KBTBD2: variants seen among roughly 807,000 people sequenced by gnomAD.
KBTBD2 encodes the protein kelch repeat and BTB domain-containing protein 2.
KBTBD2 carries 17 observed loss-of-function variants against 57.1 expected under a neutral mutation model. That is an observed-to-expected ratio of 0.30 (90% CI 0.20 to 0.45). The LOEUF (loss-of-function observed/expected upper bound fraction) is 0.45, where lower values mean the gene tolerates loss of function less well. Among genes scored for constraint, KBTBD2 ranks in the 20% least tolerant of loss-of-function variants. The probability of loss-of-function intolerance (pLI) is 1.00; values close to 1 mark genes in which losing one functional copy is unlikely to be tolerated. For missense variants in KBTBD2, 515 were observed against 750.6 expected (o/e 0.69, Z 3.67); for synonymous variants, 267 against 262.7 (o/e 1.02, Z -0.16).
rs1201012564 is a variant in KBTBD2 at position 32,891,646 on chromosome 7, T to C, written c.-449A>G. The C allele has an allele frequency of 6.8e-6, 1 of 148,090 alleles. No homozygotes were observed. The highest frequency in any genetic ancestry group is 6.7e-5 in the Admixed American group (1 of 14,974). 9.2% of individuals were successfully genotyped at this position (148,090 alleles called of 1,614,324 possible). On this transcript the variant is annotated 5_prime_UTR_variant, in exon 1 of 4. Coordinates refer to ENST00000304056, the MANE Select transcript of KBTBD2 (RefSeq NM_015483.3). ...GTGGCCCTCCCGCCGCGGCCTCGCC[T>C]GGGGTCTCGCCTCCGCCTCCGGCCG...
In KBTBD2 at chr7:32,880,512, T is replaced by C. The variant is rs907013561; in HGVS notation, c.-338-570A>G. On this transcript the variant is annotated intron_variant, in intron 1 of 3. Coordinates refer to ENST00000304056, the MANE Select transcript of KBTBD2 (RefSeq NM_015483.3). ...AATTTGTTTCTTTGTGGAGTGGTTCTTTCCTAGGAATCTTTACAAATAAAA... is the reference window on the plus strand; with the variant it reads ...AATTTGTTTCTTTGTGGAGTGGTTCCTTCCTAGGAATCTTTACAAATAAAA... Among the ~76,000 whole-genome samples the C allele has an allele frequency of 2.0e-5, 3 of 151,646 alleles. No individual in the cohort carries two copies. In the South Asian group the frequency reaches 6.2e-4, roughly 31 times the overall value.
At position 32,869,594 on chromosome 7, in the gene KBTBD2, G is replaced by A. The variant is rs1341957175; in HGVS notation, c.1623C>T (p.Thr541=). 1.2e-6 allele frequency: 2 copies of A among 1,614,064 alleles called. No homozygotes were observed. Among genetic ancestry groups the A allele is most frequent in the Admixed American group, 3.3e-5 (2 of 60,018 alleles). Residue 541 remains threonine (T), a synonymous_variant, in exon 4 of 4, where the codon ACC becomes ACT. Coordinates refer to ENST00000304056, the MANE Select transcript of KBTBD2 (RefSeq NM_015483.3). Reference sequence around the variant, plus strand: ...CGTATTTAGCTCGCTCATTTAAGTGGGTTTCTCGCATAAACACACATAGAG... The same window carrying A: ...CGTATTTAGCTCGCTCATTTAAGTGAGTTTCTCGCATAAACACACATAGAG... ...SNSLCVFMRE[T]HLNERAKYVT... is the part of the protein sequence containing the mutation.
intron 3 of KBTBD2, among the ~76,000 whole-genome samples, chr7:32,872,456 G>A (rs1454454276): frequency 6.6e-6 from 1 of 152,062 alleles, no homozygotes; most frequent in Middle Eastern, 3.2e-3. Flanking sequence ...TAGGTGAGAG[G>A]AGTGCCTGAG....
In KBTBD2 at chr7:32,884,728, T is replaced by G. The variant is rs546908979; in HGVS notation, c.-338-4786A>C. On this transcript the variant is annotated intron_variant, in intron 1 of 3. Transcript: ENST00000304056. ...ATAAAAATAGTAATAATAATAAAAC[T>G]TCAAAAGGTACACTATTCTCTCTTC... Among the ~76,000 whole-genome samples the G allele has an allele frequency of 3.5e-4, 53 of 151,470 alleles. No individual in the cohort carries two copies. In the South Asian group the frequency reaches 0.011, roughly 32 times the overall value.
Position 32,870,591 on chromosome 7 carries a change from C to A in KBTBD2, c.626G>T (p.Arg209Leu). 1 of 1,614,070 alleles carries A rather than the reference C, an allele frequency of 6.2e-7. No individual in the cohort carries two copies. ...MLWLEYNTES[R>L]SQYLSSVLSQ... ...AAGAACAGAAGACAAATACTGGGAT[C>A]GTGATTCTGTGTTATACTCTAGCCA... The change falls in exon 4 of 4, where the codon CGA becomes CTA. Residue 209 changes from arginine to leucine, a missense_variant. Physicochemically the swap from Arg to Leu is moderately radical, Grantham distance 102. Coordinates refer to ENST00000304056, the MANE Select transcript of KBTBD2 (RefSeq NM_015483.3).
In KBTBD2 at chr7:32,869,141, C is replaced by CTA; in HGVS notation, c.*202_*203dup. The CTA allele has an allele frequency of 1.6e-5, 8 of 491,114 alleles. No individual in the cohort carries two copies. Among genetic ancestry groups the CTA allele is most frequent in the Non-Finnish European group, 1.1e-5 (3 of 280,104 alleles). 30.4% of individuals were successfully genotyped at this position (491,114 alleles called of 1,614,324 possible). ...TAAAGTTTCTCAATTATTGAATAAT[C>CTA]TATTTCATATTATGGAAGCATATCT... On this transcript the variant is annotated 3_prime_UTR_variant, in exon 4 of 4. Coordinates refer to ENST00000304056, the MANE Select transcript of KBTBD2 (RefSeq NM_015483.3).
rs535712794 is a variant in KBTBD2 at position 32,885,057 on chromosome 7, T to A, written c.-338-5115A>T. Among the ~76,000 whole-genome samples, 5 of 148,824 alleles carry A rather than the reference T, an allele frequency of 3.4e-5. No homozygotes were observed. The South Asian group carries it at 1.1e-3, about 32-fold the overall frequency. ...ACACACAAATTTTAATTTTTTTTTT[T>A]AAGAGACAGGATTGTACTATGTTGC... On this transcript the variant is annotated intron_variant, in intron 1 of 3. Transcript: ENST00000304056.
intron 3 of KBTBD2, among the ~76,000 whole-genome samples, chr7:32,873,052 T>C (rs1043298668): frequency 2.0e-4 from 31 of 152,134 alleles, no homozygotes; most frequent in African/African-American, 7.2e-4. Flanking sequence ...TTAACAAATA[T>C]CACGAACAGT....
In KBTBD2 at chr7:32,873,991, G is replaced by A. The variant is rs559354146; in HGVS notation, c.336+1001C>T. 9.3e-4 allele frequency among the ~76,000 whole-genome samples: 142 copies of A among 152,290 alleles called. 1 individual carries two copies. Among genetic ancestry groups the A allele is most frequent in the African/African-American group, 3.3e-3 (138 of 41,552 alleles). On this transcript the variant is annotated intron_variant, in intron 3 of 3. Coordinates refer to ENST00000304056, the MANE Select transcript of KBTBD2 (RefSeq NM_015483.3). ...TAAAAGACATTACTGGGCCAGGCAT[G>A]GTGGTTCATACCTGTAATCCCAGGG... is the stretch of plus-strand genomic sequence containing the variant.
chr7:32,874,182 G>A (rs945583754), intron 3 of KBTBD2, among the ~76,000 whole-genome samples: 7 of 152,000 alleles, frequency 4.6e-5, no homozygotes, highest in Non-Finnish European at 5.9e-5. Context: ...GGTGGATCAC[G>A]AGGTCAGGAG....
chr7:32,880,637 T>C (rs1398539167), intron 1 of KBTBD2, among the ~76,000 whole-genome samples: 9 of 152,094 alleles, frequency 5.9e-5, no homozygotes, highest in African/African-American at 1.9e-4. Flanking sequence ...TCCGAATTAA[T>C]ATGTAACTTT....
chr7:32,872,501 A>G (rs1210826344), intron 3 of KBTBD2, among the ~76,000 whole-genome samples: 1 of 152,102 alleles, frequency 6.6e-6, no homozygotes, highest in Non-Finnish European at 1.5e-5. Context: ...GCAACATAAG[A>G]TCTTGTCTCT....
chr7:32,888,544 AAAAC>A (rs1169713608), intron 1 of KBTBD2, among the ~76,000 whole-genome samples: 3 of 152,094 alleles, frequency 2.0e-5, no homozygotes, highest in African/African-American at 7.2e-5. Flanking sequence ...CATCAATTAA[AAAAC>A]AAACCAAAAA....
chr7:32,871,260 A>G (rs1262393571), intron 3 of KBTBD2, among the ~76,000 whole-genome samples: 1 of 152,176 alleles, frequency 6.6e-6, no homozygotes, highest in Non-Finnish European at 1.5e-5. Flanking sequence ...GTATAGAGAA[A>G]ATTATTGTTG....
At chr7:32,886,963 G>A (rs931289167) in intron 1 of KBTBD2, among the ~76,000 whole-genome samples, 1 of 151,388 alleles carries the variant, frequency 6.6e-6, no homozygotes, top group South Asian at 2.1e-4. Flanking sequence ...TGGCTTTTTG[G>A]GGGGAGGCAA....
chr7:32,892,006 T>TCGCGCG (rs200619313), upstream of KBTBD2: 1 of 146,798 alleles, frequency 6.8e-6, no homozygotes, highest in African/African-American at 2.5e-5. Context: ...CCCTCCCGCC[T>TCGCGCG]CGCGCGCGCG....
intron 1 of KBTBD2, among the ~76,000 whole-genome samples, chr7:32,880,388 G>C (rs896340676): frequency 4.0e-5 from 6 of 151,876 alleles, no homozygotes; most frequent in African/African-American, 1.5e-4. Flanking sequence ...TTTTAAACAC[G>C]TTCACAAAGT....
rs559790573 is a variant in KBTBD2, at chr7:32,883,709, T to C, written c.-338-3767A>G. 1.2e-3 allele frequency among the ~76,000 whole-genome samples: 189 copies of C among 152,354 alleles called. 1 individual carries two copies. Among genetic ancestry groups the C allele is most frequent in the Middle Eastern group, 6.8e-3 (2 of 294 alleles). On this transcript the variant is annotated intron_variant, in intron 1 of 3. Coordinates refer to ENST00000304056, the MANE Select transcript of KBTBD2 (RefSeq NM_015483.3). ...TAATTCTCAGGTATCAAGGAAACTG[T>C]TGACTTAATTTTCTTTTCTGAATGA... is the stretch of plus-strand genomic sequence containing the variant.
At chr7:32,871,514 C>A (rs1426087335) in intron 3 of KBTBD2, among the ~76,000 whole-genome samples, 1 of 151,866 alleles carries the variant, frequency 6.6e-6, no homozygotes, top group Non-Finnish European at 1.5e-5. Flanking sequence ...AGATGTGCTA[C>A]CCACTATACT....
Sources: allele counts gnomAD v4.1 joint callset (sites outside exome capture counted in the v4.1 genomes callset), GRCh38; gene constraint gnomAD v4.1.1; transcripts MANE v1.5; gene names NCBI Gene and HGNC (gene_info 2026-07-23, HGNC 2026-07-21).